Variants in NIPBL observed in about 807,000 individuals in gnomAD.
NIPBL encodes the protein nipped-B-like protein.
A neutral mutation model predicts 321.8 loss-of-function variants in NIPBL; 19 were observed. The observed-to-expected ratio is 0.06, with a 90% CI of 0.04 to 0.09. The LOEUF is 0.09. NIPBL is among the 10% of genes least tolerant of loss of function. The pLI is 1.00. For synonymous variants in NIPBL, 1,106 were observed against 1,114.1 expected (o/e 0.99, Z 0.14); for missense variants, 2,210 against 3,327.0 (o/e 0.66, Z 8.26).
chr5:37,061,333 A>T (rs1160694550), intron 45 of NIPBL, among the ~76,000 whole-genome samples: 1 of 152,174 alleles, frequency 6.6e-6, no homozygotes, highest in Non-Finnish European at 1.5e-5. Flanking sequence ...AATTGGTTCC[A>T]GTCCCCCCAT....
At chr5:36,922,213 GTTACCAGT>G (rs966097132) in intron 1 of NIPBL, among the ~76,000 whole-genome samples, 1 of 151,906 alleles carries the variant, frequency 6.6e-6, no homozygotes, top group Non-Finnish European at 1.5e-5. Context: ...TTAAAAATAT[GTTACCAGT>G]TTCTATCACT....
chr5:36,990,688 CATG>C (rs2149654216), intron 10 of NIPBL, among the ~76,000 whole-genome samples: 1 of 152,218 alleles, frequency 6.6e-6, no homozygotes, highest in African/African-American at 2.4e-5. Flanking sequence ...AATTTGTACT[CATG>C]ATTTCCATTT....
At chr5:36,909,950 C>A (rs1172680174) in intron 1 of NIPBL, among the ~76,000 whole-genome samples, 1 of 152,024 alleles carries the variant, frequency 6.6e-6, no homozygotes, top group Non-Finnish European at 1.5e-5. Flanking sequence ...GTGGTGCACA[C>A]CTGTAGTCCC....
At chr5:37,006,621 T>C in intron 17 of NIPBL, 33 bp downstream of exon 17, 3 of 1,473,844 alleles carry the variant, frequency 2.0e-6, no homozygotes, top group Non-Finnish European at 9.4e-7. Context: ...TTATTGTAAA[T>C]TTTTGCCATG....
intron 39 of NIPBL, 132 bp downstream of exon 39, chr5:37,048,807 G>A (rs1753228695): frequency 1.3e-6 from 1 of 771,956 alleles, no homozygotes; most frequent in Non-Finnish European, 2.1e-6. Flanking sequence ...TCCTTATGCT[G>A]AGGTCTATAG....
rs1489274110 is a variant in NIPBL, at chr5:37,051,759, A to T, written c.6955-20A>T. 7.2e-6 allele frequency: 9 copies of T among 1,252,364 alleles called. No homozygotes were observed. Among genetic ancestry groups the T allele is most frequent in the Non-Finnish European group, 8.9e-6 (8 of 898,152 alleles). 77.6% of individuals were successfully genotyped at this position (1,252,364 alleles called of 1,614,324 possible). On this transcript the variant is annotated intron_variant, in intron 40 of 46. Coordinates refer to ENST00000282516, the MANE Select transcript of NIPBL (RefSeq NM_133433.4). Reference sequence around the variant, plus strand: ...ATTTTTACTACCATGATATCTCGTAATTTTTTTTTTTATTTCCAGTGTGTG... The same window carrying T: ...ATTTTTACTACCATGATATCTCGTATTTTTTTTTTTTATTTCCAGTGTGTG...
chr5:36,936,896 A>T (rs1290757077), intron 1 of NIPBL, among the ~76,000 whole-genome samples: 1 of 152,032 alleles, frequency 6.6e-6, no homozygotes, highest in Non-Finnish European at 1.5e-5. Context: ...TAGTAGATAT[A>T]ATTTCCTTTT....
chr5:37,063,816 C>T lies in NIPBL; in HGVS notation c.7887C>T (p.Asp2629=), dbSNP rs2149759841. 1 of 1,613,698 alleles carries T rather than the reference C, an allele frequency of 6.2e-7. No individual in the cohort carries two copies. The change falls in exon 46 of 47, where the codon GAC becomes GAT. Residue 2629 remains aspartate, a synonymous_variant. Transcript: ENST00000282516. ...LDFKLLMEHL[D]PDEEEEEGEV... ...TCAAACTTCTCATGGAACATCTGGA[C>T]CCTGATGAAGAAGAAGAAGAAGGGG...
chr5:37,009,375 A>G (rs1329726319), intron 20 of NIPBL, among the ~76,000 whole-genome samples: 1 of 152,240 alleles, frequency 6.6e-6, no homozygotes, highest in Admixed American at 6.5e-5. Flanking sequence ...CTTTGCCATC[A>G]TAGATAATCA....
intron 32 of NIPBL, among the ~76,000 whole-genome samples, chr5:37,030,725 C>T (rs1031003245): frequency 2.0e-5 from 3 of 151,362 alleles, no homozygotes; most frequent in Non-Finnish European, 2.9e-5. Flanking sequence ...ATGTACTAAA[C>T]TCTGTTCATT....
chr5:37,039,569 CTG>C (rs1177094900), intron 34 of NIPBL, among the ~76,000 whole-genome samples: 1 of 151,922 alleles, frequency 6.6e-6, no homozygotes, highest in Non-Finnish European at 1.5e-5. Flanking sequence ...GATAAGGAAA[CTG>C]AAGCTTAAAG....
chr5:37,024,469 G>A (rs1750033650), intron 29 of NIPBL, 116 bp from the exon 30 acceptor site: 2 of 783,026 alleles, frequency 2.6e-6, no homozygotes, highest in South Asian at 2.0e-5. Flanking sequence ...AATATGTCAA[G>A]TGTGTTTATC....
At position 37,020,502 on chromosome 5, in the gene NIPBL, C is replaced by T. The variant is rs775077572; in HGVS notation, c.5054C>T (p.Thr1685Ile). 5 of 1,613,866 alleles carry T rather than the reference C, an allele frequency of 3.1e-6. No individual in the cohort carries two copies. The Admixed American group carries it at 6.7e-5, about 22-fold the overall frequency. Residue 1685 changes from threonine (T) to isoleucine (I), a missense_variant, in exon 26 of 47, where the codon ACT (threonine) becomes ATT (isoleucine). By Grantham distance (89) the Thr-to-Ile change is moderately conservative. Around this residue, in one of 14 missense-constraint regions of NIPBL, gnomAD observed 138 missense variants for 175.8 expected, o/e 0.79. Coordinates refer to ENST00000282516, the MANE Select transcript of NIPBL (RefSeq NM_133433.4). ...FYIAQWFRDT[T>I]LETEKAMKSQ... is the part of the protein sequence containing the mutation. ...ATAGCCCAGTGGTTTCGAGACACAA[C>T]TCTGGAAACAGAAAAAGCAATGAAA... is the stretch of plus-strand genomic sequence containing the variant.
rs139013651 is a variant in NIPBL, at chr5:36,980,421, G to A, written c.1495+4019G>A. 5.3e-3 allele frequency among the ~76,000 whole-genome samples: 803 copies of A among 151,500 alleles called. 3 individuals carry two copies. The highest frequency in any genetic ancestry group is 7.0e-3 in the Non-Finnish European group (474 of 67,596). The stretch of plus-strand genomic sequence containing the variant: ...GAAAGCCACTTTCCTCTTATTTCGT[G>A]GATTTATAGTCACGTATCACATAAT... On this transcript the variant is annotated intron_variant, in intron 9 of 46. Coordinates refer to ENST00000282516, the MANE Select transcript of NIPBL (RefSeq NM_133433.4).
intron 1 of NIPBL, among the ~76,000 whole-genome samples, chr5:36,890,255 C>T (rs1580154079): frequency 1.3e-5 from 2 of 152,008 alleles, no homozygotes; most frequent in South Asian, 2.1e-4. Flanking sequence ...TAGTTTTTTC[C>T]CCCTTTAGGG....
Position 36,996,570 on chromosome 5 carries a change from C to T in NIPBL, c.3304+766C>T. 1 of 454,532 alleles carries T rather than the reference C, an allele frequency of 2.2e-6. No individual in the cohort carries two copies. Among genetic ancestry groups the T allele is most frequent in the South Asian group, 1.6e-5 (1 of 64,166 alleles). The allele number at this position is 454,532 out of a possible 1,614,324, so 28.2% of individuals were successfully genotyped here. A position where few individuals can be genotyped will look rare whatever the true frequency, so the allele number is the denominator to read the frequency against. On this transcript the variant is annotated intron_variant, in intron 11 of 46. Transcript: ENST00000282516. The surrounding 1 kb of genome is among the most constrained non-coding windows in gnomAD (Gnocchi z 5.0). ...CCTCGCCTGTCTTCCTACTGGTCCA[C>T]TGAAAAAGTTCTTCTCTTTTATCCC...
intron 42 of NIPBL, among the ~76,000 whole-genome samples, chr5:37,056,498 T>A (rs57317297): frequency 0.032 from 4,950 of 152,316 alleles, 259 homozygotes; most frequent in African/African-American, 0.11. Context: ...TAAATAATCA[T>A]AATTTTTCTC....
At chr5:36,882,865 TTGA>T (rs1270539825) in intron 1 of NIPBL, among the ~76,000 whole-genome samples, 2 of 151,858 alleles carry the variant, frequency 1.3e-5, no homozygotes, top group Non-Finnish European at 3.0e-5. Context: ...GATTCATTAT[TTGA>T]TTATAGTCTT....
chr5:37,061,081 G>A (rs1001072637), intron 45 of NIPBL, 63 bp downstream of exon 45: 1 of 1,212,622 alleles, frequency 8.2e-7, no homozygotes, highest in Admixed American at 1.7e-5. Context: ...TAAATGTGGG[G>A]GGCCGGTGGG....
Sources: allele counts gnomAD v4.1 joint callset (sites outside exome capture counted in the v4.1 genomes callset), GRCh38; gene constraint gnomAD v4.1.1; regional missense constraint gnomAD v4.1.1; non-coding constraint Gnocchi (gnomAD v3.1); transcripts MANE v1.5; gene names NCBI Gene and HGNC (gene_info 2026-07-23, HGNC 2026-07-21).